The following PAWR variants were observed in gnomAD, a reference collection of about 807,000 sequenced individuals.
PAWR encodes the protein PRKC apoptosis WT1 regulator protein.
A neutral mutation model predicts 32.0 loss-of-function variants in PAWR; 23 were observed. The observed-to-expected ratio is 0.72, with a 90% CI of 0.52 to 1.02. The LOEUF (loss-of-function observed/expected upper bound fraction) is 1.02. Among genes scored for constraint, PAWR ranks in the 50% least tolerant of loss-of-function variants. The pLI is 0.00. For synonymous variants in PAWR, 226 were observed against 187.1 expected (o/e 1.21, Z -1.70); for missense variants, 457 against 437.7 (o/e 1.04, Z -0.39).
At chr12:79,675,774 T>C (rs1047634850) in intron 2 of PAWR, among the ~76,000 whole-genome samples, 2 of 152,164 alleles carry the variant, frequency 1.3e-5, no homozygotes, top group African/African-American at 2.4e-5. Flanking sequence ...TTATGGGTAC[T>C]ATGCTGATTA....
intron 4 of PAWR, among the ~76,000 whole-genome samples, chr12:79,613,329 A>G (rs1322929965): frequency 2.6e-5 from 4 of 152,228 alleles, no homozygotes; most frequent in Non-Finnish European, 5.9e-5. Context: ...AATTCAAGGC[A>G]TTTATTTTGC....
chr12:79,629,996 A>G (rs1875530032), intron 2 of PAWR, among the ~76,000 whole-genome samples: 1 of 152,094 alleles, frequency 6.6e-6, no homozygotes, highest in South Asian at 2.1e-4. Context: ...TATAACAATG[A>G]ATATTTATTT....
intron 2 of PAWR, among the ~76,000 whole-genome samples, chr12:79,672,540 G>C (rs1877955941): frequency 6.6e-6 from 1 of 151,922 alleles, no homozygotes; most frequent in African/African-American, 2.4e-5. Context: ...TAAATACCTT[G>C]CTCCATATAG....
chr12:79,638,358 C>A (rs1876068282), intron 2 of PAWR, among the ~76,000 whole-genome samples: 1 of 152,066 alleles, frequency 6.6e-6, no homozygotes, highest in South Asian at 2.1e-4. Context: ...CTTAGTACTT[C>A]TAAAAGCAGT....
chr12:79,677,184 C>T (rs1481620279), intron 2 of PAWR, among the ~76,000 whole-genome samples: 2 of 152,134 alleles, frequency 1.3e-5, no homozygotes, highest in Non-Finnish European at 2.9e-5. Flanking sequence ...TATACCGGAA[C>T]ATCCAAATTA....
intron 4 of PAWR, among the ~76,000 whole-genome samples, chr12:79,601,154 G>A (rs1393535303): frequency 6.7e-6 from 1 of 148,530 alleles, no homozygotes; most frequent in Non-Finnish European, 1.5e-5. Flanking sequence ...AGCATGGAGT[G>A]TAAACATAAG....
chr12:79,671,754 AG>A (rs1877913142), intron 2 of PAWR, among the ~76,000 whole-genome samples: 1 of 152,158 alleles, frequency 6.6e-6, no homozygotes, highest in African/African-American at 2.4e-5. Context: ...TTATTTATAA[AG>A]AGGCTCAATC....
At chr12:79,656,886 G>C (rs1565693125) in intron 2 of PAWR, among the ~76,000 whole-genome samples, 2 of 152,172 alleles carry the variant, frequency 1.3e-5, no homozygotes. Flanking sequence ...GGGAGAACCT[G>C]GGCAGAGACC....
chr12:79,671,840 A>G (rs1877918077), intron 2 of PAWR, among the ~76,000 whole-genome samples: 1 of 152,106 alleles, frequency 6.6e-6, no homozygotes, highest in Non-Finnish European at 1.5e-5. Context: ...GGCTGAGGCA[A>G]GAGGATCACT....
At chr12:79,680,776 CACAA>C (rs1395146915) in intron 2 of PAWR, among the ~76,000 whole-genome samples, 2 of 152,034 alleles carry the variant, frequency 1.3e-5, no homozygotes, top group Non-Finnish European at 2.9e-5. Context: ...CTTTCAATGG[CACAA>C]ACACTTTTCC....
chr12:79,640,597 C>T (rs947883802), intron 2 of PAWR, among the ~76,000 whole-genome samples: 20 of 151,848 alleles, frequency 1.3e-4, no homozygotes, highest in African/African-American at 4.8e-4. Flanking sequence ...CAAAATTAGC[C>T]GGGTATGGTG....
intron 4 of PAWR, among the ~76,000 whole-genome samples, chr12:79,609,489 T>C (rs941718259): frequency 6.6e-6 from 1 of 152,024 alleles, no homozygotes; most frequent in East Asian, 1.9e-4. Context: ...TGCTTGAATG[T>C]TGCCTTTTCC....
At chr12:79,656,772 C>T in intron 2 of PAWR, among the ~76,000 whole-genome samples, 1 of 152,014 alleles carries the variant, frequency 6.6e-6, no homozygotes, top group East Asian at 1.9e-4. Flanking sequence ...ATGAAATATA[C>T]AAAATAATAG....
rs887500720 is a variant in PAWR, at chr12:79,587,411, TA to T, written c.*5195del. ...ATTTTTATATTCCTAGGCCCCTACT[TA>T]TCTTTTACAAACTTTGAAGGACCTG... On this transcript the variant is annotated 3_prime_UTR_variant, in exon 7 of 7. Coordinates refer to ENST00000328827, the MANE Select transcript of PAWR (RefSeq NM_002583.4). 1.7e-4 allele frequency: 26 copies of T among 152,196 alleles called. No homozygotes were observed. Among genetic ancestry groups the T allele is most frequent in the African/African-American group, 4.6e-4 (19 of 41,576 alleles). 9.4% of individuals were successfully genotyped at this position (152,196 alleles called of 1,614,324 possible).
chr12:79,688,971 G>A (rs1469509403), intron 2 of PAWR, among the ~76,000 whole-genome samples: 1 of 152,110 alleles, frequency 6.6e-6, no homozygotes, highest in African/African-American at 2.4e-5. Context: ...TCTAATGGAA[G>A]ATGCTGCTAC....
At chr12:79,617,203 T>C (rs1874780828) in intron 3 of PAWR, among the ~76,000 whole-genome samples, 1 of 152,088 alleles carries the variant, frequency 6.6e-6, no homozygotes, top group Admixed American at 6.5e-5. Flanking sequence ...AATACAACAA[T>C]TAGCTGGGCC....
chr12:79,613,981 T>TA (rs1874601678), intron 3 of PAWR, among the ~76,000 whole-genome samples: 4 of 3,966 alleles, frequency 1.0e-3, no homozygotes, highest in Admixed American at 6.0e-3. Context: ...ATATATATAT[T>TA]TTTTTTTTTT....
At chr12:79,689,708 T>G (rs1204583499) in intron 2 of PAWR, 21 bp downstream of exon 2, 2 of 1,535,244 alleles carry the variant, frequency 1.3e-6, no homozygotes, top group Non-Finnish European at 1.7e-6. Context: ...CCGGTCCGGC[T>G]GCGGCCCCCG....
In PAWR at chr12:79,613,601, A is replaced by G. The variant is rs757449054; in HGVS notation, c.657T>C (p.Pro219=). 4 of 1,544,082 alleles carry G rather than the reference A, an allele frequency of 2.6e-6. No homozygotes were observed. Among genetic ancestry groups the G allele is most frequent in the Admixed American group, 1.7e-5 (1 of 59,066 alleles). ...PGSSYLLQEP[P]RTVSGRYKST... is the part of the protein sequence containing the mutation. The stretch of plus-strand genomic sequence containing the variant: ...TTTTATATCTGCCTGAAACTGTTCT[A>G]GGTGGCTCCTGCAAAGTAAAAATAA... Residue 219 remains proline (P), a synonymous_variant, in exon 4 of 7, where the codon CCT becomes CCC. Coordinates refer to ENST00000328827, the MANE Select transcript of PAWR (RefSeq NM_002583.4).
Sources: allele counts gnomAD v4.1 joint callset (sites outside exome capture counted in the v4.1 genomes callset), GRCh38; gene constraint gnomAD v4.1.1; transcripts MANE v1.5; gene names NCBI Gene and HGNC (gene_info 2026-07-23, HGNC 2026-07-21).